The following MDGA2 variants were observed in gnomAD, a reference collection of about 807,000 sequenced individuals.
MDGA2 encodes the protein MAM domain containing glycosylphosphatidylinositol anchor 2, also known as MAM domain-containing glycosylphosphatidylinositol anchor protein 2.
In MDGA2, 40 loss-of-function variants were observed where a neutral mutation model predicts 117.8. The ratio of observed to expected loss-of-function variants is 0.34; its 90% CI spans 0.26 to 0.44. The LOEUF (loss-of-function observed/expected upper bound fraction) is 0.44. Ranked by LOEUF, MDGA2 falls within the 20% of genes least tolerant of loss-of-function variation. MDGA2 has a pLI of 1.00. For synonymous variants in MDGA2, 452 were observed against 439.0 expected (o/e 1.03, Z -0.37); for missense variants, 1,123 against 1,250.6 (o/e 0.90, Z 1.54).
chr14:47,588,052 C>T (rs1896358905), intron 1 of MDGA2, among the ~76,000 whole-genome samples: 1 of 151,584 alleles, frequency 6.6e-6, no homozygotes, highest in Non-Finnish European at 1.5e-5. Flanking sequence ...TATATTATTA[C>T]TGCATTTCTT....
intron 8 of MDGA2, among the ~76,000 whole-genome samples, chr14:46,981,181 G>A (rs1193054746): frequency 6.6e-5 from 10 of 151,270 alleles, no homozygotes; most frequent in Non-Finnish European, 1.2e-4. Context: ...AGGGGGGGGC[G>A]GATCATGAGG....
intron 3 of MDGA2, among the ~76,000 whole-genome samples, chr14:47,174,930 G>C (rs1004018022): frequency 1.2e-4 from 18 of 151,910 alleles, no homozygotes; most frequent in African/African-American, 4.3e-4. Context: ...AAAGAGAGAA[G>C]AATCAAATAG....
chr14:46,868,184 T>C (rs1266682677), intron 14 of MDGA2, among the ~76,000 whole-genome samples: 1 of 151,890 alleles, frequency 6.6e-6, no homozygotes, highest in African/African-American at 2.4e-5. Context: ...GGTATACATA[T>C]CAGGAGTTTT....
chr14:47,323,423 C>T (rs932305943), intron 1 of MDGA2, among the ~76,000 whole-genome samples: 3 of 151,196 alleles, frequency 2.0e-5, no homozygotes, highest in Non-Finnish European at 4.4e-5. Flanking sequence ...GTCAGGAGTT[C>T]GAGACTAGCC....
At chr14:47,492,455 C>CGT (rs1023442617) in intron 1 of MDGA2, among the ~76,000 whole-genome samples, 1 of 151,574 alleles carries the variant, frequency 6.6e-6, no homozygotes, top group South Asian at 2.1e-4. Context: ...ATTTTATATA[C>CGT]GTGTGTGTGT....
intron 3 of MDGA2, among the ~76,000 whole-genome samples, chr14:47,163,863 A>G (rs7140778): frequency 0.21 from 31,709 of 152,068 alleles, 3,775 homozygotes; most frequent in East Asian, 0.33. Context: ...TGCTAATTAC[A>G]GCACCCTGAA....
At chr14:47,453,307 T>C (rs116375948) in intron 1 of MDGA2, among the ~76,000 whole-genome samples, 1 of 152,120 alleles carries the variant, frequency 6.6e-6, no homozygotes, top group Non-Finnish European at 1.5e-5. Flanking sequence ...TATTTAAATA[T>C]AAAAATTTTC....
chr14:47,671,068 A>T (rs530092638), intron 1 of MDGA2, among the ~76,000 whole-genome samples: 45 of 152,232 alleles, frequency 3.0e-4, no homozygotes, highest in African/African-American at 8.9e-4. Flanking sequence ...GTTACATCTG[A>T]TATTGAAAAT....
At chr14:47,065,133 A>T (rs1890035889) in intron 6 of MDGA2, among the ~76,000 whole-genome samples, 1 of 152,148 alleles carries the variant, frequency 6.6e-6, no homozygotes, top group Non-Finnish European at 1.5e-5. Flanking sequence ...TGCATGTAAA[A>T]GATTGGCATC....
At chr14:47,302,254 A>T (rs990162621) in intron 1 of MDGA2, among the ~76,000 whole-genome samples, 6 of 152,176 alleles carry the variant, frequency 3.9e-5, no homozygotes, top group African/African-American at 1.4e-4. Context: ...AATTTAACTA[A>T]CACTCCTTGA....
intron 8 of MDGA2, among the ~76,000 whole-genome samples, chr14:47,007,280 GA>G (rs1282368696): frequency 6.6e-6 from 1 of 151,624 alleles, no homozygotes; most frequent in Non-Finnish European, 1.5e-5. Flanking sequence ...AATGCTTAAG[GA>G]AAAAAATCCA....
At chr14:47,345,589 C>T (rs11850343) in intron 1 of MDGA2, among the ~76,000 whole-genome samples, 50,500 of 151,668 alleles carry the variant, frequency 0.33, 9,233 homozygotes, top group Admixed American at 0.52. Context: ...ATCCATACCC[C>T]CACCCCTACT....
At chr14:47,643,108 T>A (rs926709014) in intron 1 of MDGA2, among the ~76,000 whole-genome samples, 2 of 152,116 alleles carry the variant, frequency 1.3e-5, no homozygotes, top group African/African-American at 2.4e-5. Context: ...ATCACAATGA[T>A]TATATTCCTT....
intron 1 of MDGA2, among the ~76,000 whole-genome samples, chr14:47,670,157 G>T (rs1051766424): frequency 5.9e-5 from 9 of 152,084 alleles, no homozygotes; most frequent in Non-Finnish European, 1.3e-4. Context: ...TTGCTAATTT[G>T]TCATACTCAA....
intron 2 of MDGA2, among the ~76,000 whole-genome samples, chr14:47,248,506 T>G (rs1286411140): frequency 2.0e-5 from 3 of 151,736 alleles, no homozygotes; most frequent in Non-Finnish European, 3.0e-5. Context: ...AAGCTAAATA[T>G]AAAATTATAT....
chr14:47,613,911 G>A (rs547812510), intron 1 of MDGA2, among the ~76,000 whole-genome samples: 5 of 152,172 alleles, frequency 3.3e-5, no homozygotes, highest in Non-Finnish European at 7.4e-5. Flanking sequence ...TTGGAGTTGT[G>A]TTAAATATGG....
At chr14:47,600,983 C>T (rs921109856) in intron 1 of MDGA2, among the ~76,000 whole-genome samples, 7 of 152,146 alleles carry the variant, frequency 4.6e-5, no homozygotes, top group Non-Finnish European at 8.8e-5. Context: ...AAAATATCTA[C>T]TGTTTATAAG....
At chr14:47,357,408 A>AT (rs1891019169) in intron 1 of MDGA2, among the ~76,000 whole-genome samples, 1 of 152,216 alleles carries the variant, frequency 6.6e-6, no homozygotes, top group Non-Finnish European at 1.5e-5. Context: ...ATTTCTCCAA[A>AT]TTCACTAGAC....
At chr14:46,870,049 T>C (rs1881935291) in intron 14 of MDGA2, among the ~76,000 whole-genome samples, 1 of 151,984 alleles carries the variant, frequency 6.6e-6, no homozygotes, top group Non-Finnish European at 1.5e-5. Flanking sequence ...AGGCACTCAG[T>C]TGAGCTATAC....
Sources: allele counts gnomAD v4.1 joint callset (sites outside exome capture counted in the v4.1 genomes callset), GRCh38; gene constraint gnomAD v4.1.1; transcripts MANE v1.5; gene names NCBI Gene and HGNC (gene_info 2026-07-23, HGNC 2026-07-21).